The following ERP44 variants were observed in gnomAD, a reference collection of about 807,000 sequenced individuals.
ERP44 encodes endoplasmic reticulum protein 44.
In ERP44, 25 loss-of-function variants were observed where a neutral mutation model predicts 53.4. That is an observed-to-expected ratio of 0.47 (90% confidence interval 0.34 to 0.65). The LOEUF is 0.65. ERP44 is among the 30% of genes least tolerant of loss of function. The pLI is 0.01. For missense variants in ERP44, 338 were observed against 493.2 expected (o/e 0.69, Z 2.98); for synonymous variants, 145 against 161.2 (o/e 0.90, Z 0.76).
intron 10 of ERP44, chr9:99,999,066 G>C (rs1830347715): frequency 5.5e-6 from 4 of 732,050 alleles, no homozygotes; most frequent in Non-Finnish European, 7.4e-6. Context: ...GCGGATGACC[G>C]CCTGCAGGGA....
rs1169856097 is a variant in ERP44 at position 100,007,745 on chromosome 9, A to G, written c.763-56T>C. On this transcript the variant is annotated intron_variant, in intron 8 of 11. Transcript: ENST00000262455. ...CAGGCTTCTCCATTCAGTTGTAGCT[A>G]TTTTCTAGGTAGGAACAATTTTGAA... The G allele has an allele frequency of 1.8e-5, 17 of 965,110 alleles. No individual in the cohort carries two copies. In the East Asian group the frequency reaches 4.1e-4, roughly 23 times the overall value. The allele number at this position is 965,110 out of a possible 1,614,324, so 59.8% of individuals were successfully genotyped here.
chr9:99,991,002 C>G (rs1318332269), intron 10 of ERP44, among the ~76,000 whole-genome samples: 1 of 152,196 alleles, frequency 6.6e-6, no homozygotes. Context: ...ACGGGAGCAT[C>G]CAGATTCATA....
chr9:100,094,897 C>T (rs1446082080), intron 1 of ERP44, among the ~76,000 whole-genome samples: 1 of 149,812 alleles, frequency 6.7e-6, no homozygotes, highest in African/African-American at 2.5e-5. Context: ...GCTTCAGCCT[C>T]AGAGGTTGAG....
chr9:99,994,568 G>T (rs1429683982), intron 10 of ERP44, among the ~76,000 whole-genome samples: 1 of 152,048 alleles, frequency 6.6e-6, no homozygotes, highest in Non-Finnish European at 1.5e-5. Context: ...GAGTTAATGG[G>T]TGCAGCAAAC....
chr9:99,996,588 A>C (rs1414114354), intron 10 of ERP44, among the ~76,000 whole-genome samples: 1 of 152,066 alleles, frequency 6.6e-6, no homozygotes, highest in African/African-American at 2.4e-5. Context: ...TACATTAGTA[A>C]GTTCTTTAGT....
At chr9:100,088,571 T>TA (rs111857041) in intron 1 of ERP44, among the ~76,000 whole-genome samples, 5 of 152,324 alleles carry the variant, frequency 3.3e-5, no homozygotes, top group South Asian at 2.1e-4. Flanking sequence ...GCATTTACTC[T>TA]ATAATAAGGC....
At chr9:100,060,322 T>A in intron 1 of ERP44, 150 bp from the exon 2 acceptor site, 2 of 945,200 alleles carry the variant, frequency 2.1e-6, no homozygotes, top group Non-Finnish European at 2.8e-6. Context: ...GTCTAATCTT[T>A]TACTAGATAA....
At chr9:100,027,443 T>C (rs555038216) in intron 4 of ERP44, among the ~76,000 whole-genome samples, 45 of 152,360 alleles carry the variant, frequency 3.0e-4, no homozygotes, top group African/African-American at 1.0e-3. Context: ...ATAATGCTTT[T>C]TTTTTTATTT....
intron 1 of ERP44, among the ~76,000 whole-genome samples, chr9:100,077,064 G>A (rs1826366424): frequency 6.6e-6 from 1 of 152,198 alleles, no homozygotes; most frequent in Non-Finnish European, 1.5e-5. Flanking sequence ...CAGCTACCTG[G>A]TGGCAGGTTG....
At chr9:100,068,612 G>A (rs1826261908) in intron 1 of ERP44, among the ~76,000 whole-genome samples, 2 of 144,974 alleles carry the variant, frequency 1.4e-5, no homozygotes, top group African/African-American at 2.5e-5. Context: ...GTCCGGGAGG[G>A]AGGTGGGGGG....
chr9:100,058,456 G>C (rs995857091), intron 2 of ERP44, among the ~76,000 whole-genome samples: 1 of 152,166 alleles, frequency 6.6e-6, no homozygotes, highest in Admixed American at 6.5e-5. Context: ...ATCATAAAAA[G>C]TAAAGTGGAA....
intron 1 of ERP44, among the ~76,000 whole-genome samples, chr9:100,072,538 T>C (rs867748419): frequency 7.9e-5 from 12 of 152,200 alleles, no homozygotes; most frequent in African/African-American, 2.9e-4. Context: ...TTTTCTTCTT[T>C]TGAGATAGAG....
chr9:99,995,920 CTTTTT>C lies in ERP44; in HGVS notation c.1016+10581_1016+10585del, dbSNP rs34632626. On this transcript the variant is annotated intron_variant, in intron 10 of 11. Transcript: ENST00000262455. Reference sequence around the variant, plus strand: ...GGGATTGCTGGATCATAGGGTAGTTCTTTTTTTTTTTTTTTTTTTTTATTTTGAGT... The same window carrying C: ...GGGATTGCTGGATCATAGGGTAGTTCTTTTTTTTTTTTTTTTATTTTGAGT... Among the ~76,000 whole-genome samples the C allele has an allele frequency of 4.7e-3, 573 of 121,416 alleles. 1 individual carries two copies. The highest frequency in any genetic ancestry group is 0.016 in the African/African-American group (540 of 32,754). 79.7% of individuals were successfully genotyped at this position (121,416 alleles called of 152,430 possible). A position where few individuals can be genotyped will look rare whatever the true frequency, so the allele number is the denominator to read the frequency against.
At chr9:100,083,501 A>G (rs1351386959) in intron 1 of ERP44, among the ~76,000 whole-genome samples, 1 of 152,216 alleles carries the variant, frequency 6.6e-6, no homozygotes, top group Non-Finnish European at 1.5e-5. Context: ...ATGAGTCAAA[A>G]AGTGTAAGAC....
chr9:99,986,332 C>T (rs1315853235), intron 10 of ERP44, among the ~76,000 whole-genome samples: 1 of 152,068 alleles, frequency 6.6e-6, no homozygotes, highest in African/African-American at 2.4e-5. Context: ...ATTTACATTT[C>T]TTCACAAATT....
chr9:100,028,197 A>C (rs941387800), intron 4 of ERP44, among the ~76,000 whole-genome samples: 1 of 152,348 alleles, frequency 6.6e-6, no homozygotes, highest in African/African-American at 2.4e-5. Context: ...AATCAAGGAC[A>C]ATTACAAAGT....
At chr9:100,009,372 A>G (rs1587961134) in intron 8 of ERP44, among the ~76,000 whole-genome samples, 1 of 152,168 alleles carries the variant, frequency 6.6e-6, no homozygotes, top group East Asian at 1.9e-4. Context: ...TCGGCCTCCC[A>G]AAGTGCTGGG....
intron 4 of ERP44, among the ~76,000 whole-genome samples, chr9:100,038,551 C>T (rs1825869036): frequency 6.6e-6 from 1 of 151,868 alleles, no homozygotes; most frequent in African/African-American, 2.4e-5. Flanking sequence ...ATCACCTTCA[C>T]TAAAAGGAAG....
rs13297165 is a variant in ERP44, at chr9:100,057,257, T to G, written c.170+563A>C. ...TTCTTCCTATCTCCATGCCATATTC[T>G]GTAACATCTACTATATACCATGTTG... On this transcript the variant is annotated intron_variant, in intron 3 of 11. Coordinates refer to ENST00000262455, the MANE Select transcript of ERP44 (RefSeq NM_015051.3). Among the ~76,000 whole-genome samples the G allele has an allele frequency of 9.6e-3, 1,457 of 152,344 alleles. 14 individuals carry two copies. Among genetic ancestry groups the G allele is most frequent in the African/African-American group, 0.012 (481 of 41,574 alleles).
Sources: allele counts gnomAD v4.1 joint callset (sites outside exome capture counted in the v4.1 genomes callset), GRCh38; gene constraint gnomAD v4.1.1; transcripts MANE v1.5; gene names NCBI Gene and HGNC (gene_info 2026-07-23, HGNC 2026-07-21).